ITGA11: variants seen among roughly 807,000 people sequenced by gnomAD.
ITGA11 encodes the protein integrin alpha-11.
A neutral mutation model predicts 141.9 loss-of-function variants in ITGA11; 97 were observed. That is an observed-to-expected ratio of 0.68 (90% CI 0.58 to 0.81). The LOEUF (loss-of-function observed/expected upper bound fraction) is 0.81. Among genes scored for constraint, ITGA11 ranks in the 30% least tolerant of loss-of-function variants. ITGA11 has a pLI of 0.00. For synonymous variants in ITGA11, 658 were observed against 624.6 expected (o/e 1.05, Z -0.80); for missense variants, 1,387 against 1,559.2 (o/e 0.89, Z 1.86).
intron 1 of ITGA11, among the ~76,000 whole-genome samples, chr15:68,410,887 C>G (rs1022453852): frequency 1.3e-5 from 2 of 152,206 alleles, no homozygotes; most frequent in African/African-American, 4.8e-5. Context: ...GCTTGGGGAG[C>G]CCTCTGACTC....
rs758596914 is a variant in ITGA11 at position 68,324,361 on chromosome 15, G to A, written c.2322+770C>T. Among the ~76,000 whole-genome samples the A allele has an allele frequency of 1.3e-5, 2 of 152,180 alleles. No homozygotes were observed. Among genetic ancestry groups the A allele is most frequent in the African/African-American group, 4.8e-5 (2 of 41,434 alleles). ...GCTGGACTCTGTCACTCACACAGAC[G>A]TTGCTCAGAGACTGGACCTCACAGA... On this transcript the variant is annotated intron_variant, in intron 18 of 29. Coordinates refer to ENST00000315757, the MANE Select transcript of ITGA11 (RefSeq NM_001004439.2). The surrounding 1 kb of genome is among the most constrained non-coding windows in gnomAD (Gnocchi z 6.3).
intron 1 of ITGA11, among the ~76,000 whole-genome samples, chr15:68,412,407 C>G (rs866397109): frequency 2.6e-5 from 4 of 152,002 alleles, no homozygotes; most frequent in African/African-American, 9.7e-5. Context: ...AGCCATACAC[C>G]GGGCCTGATG....
chr15:68,415,419 G>A (rs1167900002), intron 1 of ITGA11, among the ~76,000 whole-genome samples: 1 of 152,224 alleles, frequency 6.6e-6, no homozygotes, highest in Non-Finnish European at 1.5e-5. Flanking sequence ...GGCCACAGAA[G>A]GGAAAGGAGA....
At chr15:68,350,018 C>T (rs1443704187) in intron 9 of ITGA11, among the ~76,000 whole-genome samples, 3 of 152,136 alleles carry the variant, frequency 2.0e-5, no homozygotes, top group African/African-American at 7.2e-5. Context: ...AGTTCAAAGC[C>T]CACCATGCTC....
In ITGA11 at chr15:68,326,658, A is replaced by G. The variant is rs973896938; in HGVS notation, c.2207T>C (p.Val736Ala). The G allele has an allele frequency of 4.0e-5, 64 of 1,590,098 alleles. No individual in the cohort carries two copies. Among genetic ancestry groups the G allele is most frequent in the Non-Finnish European group, 5.4e-5 (63 of 1,168,552 alleles). ...CTGGTGGGGCTGCCAGCTTACCAGG[A>G]CATGGAAGTTGATCCGCTCACAGAG... ...QELCERINFH[V>A]LDTADYVKPV... Residue 736 changes from valine (V) to alanine (A), a missense_variant, in exon 17 of 30, where the codon GTC becomes GCC. Coordinates refer to ENST00000315757, the MANE Select transcript of ITGA11 (RefSeq NM_001004439.2). This position sits in a 1 kb window ranked among gnomAD's most constrained non-coding sequence, Gnocchi z 6.8.
rs1424021513 is a variant in ITGA11, at chr15:68,305,171, A to C, written c.3382-1286T>G. On this transcript the variant is annotated intron_variant, in intron 28 of 29. Coordinates refer to ENST00000315757, the MANE Select transcript of ITGA11 (RefSeq NM_001004439.2). The surrounding 1 kb of genome is among the most constrained non-coding windows in gnomAD (Gnocchi z 4.6). ...TTCAGCCACCTGGCCTCCAGCATGC[A>C]TGCCATGGCGTGCCTGCTGTAGGCA... 6.6e-6 allele frequency among the ~76,000 whole-genome samples: 1 copy of C among 152,140 alleles called. No individual in the cohort carries two copies. The highest frequency in any genetic ancestry group is 1.5e-5 in the Non-Finnish European group (1 of 68,018).
In ITGA11 at chr15:68,301,254, A is replaced by C. The variant is rs1196458426; in HGVS notation, c.*1805T>G. On this transcript the variant is annotated 3_prime_UTR_variant, in exon 30 of 30. Transcript: ENST00000315757. This position sits in a 1 kb window ranked among gnomAD's most constrained non-coding sequence, Gnocchi z 4.4. ...TCTGAGTGTCCTCATTTATGCAAAA[A>C]CAAGATCAAATTATTTCCAAGGTTC... 1 of 152,202 alleles carries C rather than the reference A, an allele frequency of 6.6e-6. No individual in the cohort carries two copies. Among genetic ancestry groups the C allele is most frequent in the Non-Finnish European group, 1.5e-5 (1 of 68,032 alleles). 9.4% of individuals were successfully genotyped at this position (152,202 alleles called of 1,614,324 possible).
chr15:68,364,804 G>T lies in ITGA11; in HGVS notation c.266-6C>A. On this transcript the variant is annotated splice_region_variant and splice_polypyrimidine_tract_variant and intron_variant, in intron 3 of 29. Transcript: ENST00000315757. ...GTTGGACAGGGTGACCCTTCCTGGG[G>T]TTGGGGGAGAAGTTCAGCTTGCAGC... 6.2e-7 allele frequency: 1 copy of T among 1,613,468 alleles called. No individual in the cohort carries two copies. The highest frequency in any genetic ancestry group is 8.5e-7 in the Non-Finnish European group (1 of 1,179,586).
chr15:68,412,077 C>A (rs1320642586), intron 1 of ITGA11, among the ~76,000 whole-genome samples: 2 of 152,100 alleles, frequency 1.3e-5, no homozygotes. Context: ...GTGAACTAAA[C>A]AATTATTATT....
rs1893242696 is a variant in ITGA11 at position 68,307,598 on chromosome 15, C to T, written c.3273G>A (p.Arg1091=). 2 of 1,612,256 alleles carry T rather than the reference C, an allele frequency of 1.2e-6. No homozygotes were observed. The highest frequency in any genetic ancestry group is 1.7e-6 in the Non-Finnish European group (2 of 1,178,728). The change falls in exon 27 of 30, where the codon AGG becomes AGA. Residue 1091 remains arginine (R), a synonymous_variant. Transcript: ENST00000315757. The surrounding 1 kb of genome is among the most constrained non-coding windows in gnomAD (Gnocchi z 6.1). ...GGGCTCTACTTACTGCTTTTAGGGA[C>T]CTCAACCACAGGTTCCCCAGTAGAT... The part of the protein sequence containing the change: ...NFHLLGNLWL[R]SLKALKYKSM...
intron 1 of ITGA11, among the ~76,000 whole-genome samples, chr15:68,427,582 C>T (rs895245210): frequency 5.3e-5 from 8 of 152,160 alleles, no homozygotes; most frequent in Non-Finnish European, 7.3e-5. Flanking sequence ...GGATTTCACA[C>T]GTCGTGTGAC....
chr15:68,334,468 C>T (rs574702604), intron 12 of ITGA11, among the ~76,000 whole-genome samples: 9 of 152,338 alleles, frequency 5.9e-5, no homozygotes, highest in African/African-American at 1.4e-4. Flanking sequence ...CTGCCTACCC[C>T]GTCCATCTCT....
chr15:68,332,262 T>C, intron 13 of ITGA11, 76 bp downstream of exon 13: 1 of 1,507,576 alleles, frequency 6.6e-7, no homozygotes, highest in Admixed American at 2.0e-5. Context: ...TAGTAACGCA[T>C]TTCCGTCGTG....
At position 68,322,186 on chromosome 15, in the gene ITGA11, A is replaced by G. The variant is rs1044638079; in HGVS notation, c.2323-683T>C. On this transcript the variant is annotated intron_variant, in intron 18 of 29. Coordinates refer to ENST00000315757, the MANE Select transcript of ITGA11 (RefSeq NM_001004439.2). The surrounding 1 kb of genome is among the most constrained non-coding windows in gnomAD (Gnocchi z 5.6). ...CTGTGGTAAGAGACACAGGGGTGGG[A>G]GAGAGGAAGAGATGGTCAGGGGCCT... Among the ~76,000 whole-genome samples, 1 of 152,116 alleles carries G rather than the reference A, an allele frequency of 6.6e-6. No homozygotes were observed. Among genetic ancestry groups the G allele is most frequent in the Non-Finnish European group, 1.5e-5 (1 of 68,022 alleles).
At chr15:68,357,124 A>T (rs1567142499) in intron 7 of ITGA11, 27 bp downstream of exon 7, 10 of 1,601,376 alleles carry the variant, frequency 6.2e-6, no homozygotes, top group East Asian at 2.2e-5. Context: ...ATCTAAAAAA[A>T]TTTTTTTTGT....
chr15:68,336,034 C>A, intron 11 of ITGA11, 189 bp from the exon 12 acceptor site: 1 of 671,752 alleles, frequency 1.5e-6, no homozygotes, highest in Non-Finnish European at 2.5e-6. Flanking sequence ...AGAGGCAGGA[C>A]CCAGGAAGGG....
Position 68,331,973 on chromosome 15 carries a change from G to A in ITGA11, c.1656C>T (p.Leu552=). ...CCACGTCATTGTAGGAATCCTGGTT[G>A]AGGTCTCGAACTGAGGCAATGGAGG... ...FGSSIASVRD[L]NQDSYNDVVV... Residue 552 remains leucine, a synonymous_variant, in exon 14 of 30, where the codon CTC becomes CTT. Coordinates refer to ENST00000315757, the MANE Select transcript of ITGA11 (RefSeq NM_001004439.2). The A allele has an allele frequency of 6.2e-7, 1 of 1,613,196 alleles. No homozygotes were observed.
intron 2 of ITGA11, among the ~76,000 whole-genome samples, chr15:68,390,004 TG>T (rs1276734337): frequency 6.6e-6 from 1 of 152,244 alleles, no homozygotes; most frequent in Non-Finnish European, 1.5e-5. Context: ...GCGATAGTCA[TG>T]TGGATTAAAT....
chr15:68,348,728 C>T (rs1894813563), intron 10 of ITGA11, 102 bp downstream of exon 10: 1 of 994,120 alleles, frequency 1.0e-6, no homozygotes, highest in African/African-American at 1.6e-5. Flanking sequence ...AAGAGCCAAC[C>T]CATCTGTGAA....
Sources: gnomAD v4.1 joint callset for allele counts (sites outside exome capture counted in the v4.1 genomes callset) on GRCh38, gnomAD v4.1.1 for gene constraint, Gnocchi (gnomAD v3.1) non-coding constraint, MANE v1.5 for transcripts, NCBI Gene and HGNC (gene_info 2026-07-23, HGNC 2026-07-21) for gene names.